ANK3: variants seen among roughly 807,000 people sequenced by gnomAD.
ANK3 encodes ankyrin 3, also known as ankyrin-3.
A neutral mutation model predicts 370.9 loss-of-function variants in ANK3; 57 were observed. That is an observed-to-expected ratio of 0.15 (90% confidence interval 0.12 to 0.19). The LOEUF (loss-of-function observed/expected upper bound fraction) is 0.19. Among genes scored for constraint, ANK3 ranks in the 10% least tolerant of loss-of-function variants. ANK3 has a pLI of 1.00. For synonymous variants in ANK3, 1,929 were observed against 1,946.3 expected (o/e 0.99, Z 0.23); for missense variants, 4,439 against 5,302.1 (o/e 0.84, Z 5.06).
At chr10:60,086,442 C>T (rs919034353) in intron 30 of ANK3, 5 of 408,278 alleles carry the variant, frequency 1.2e-5, no homozygotes, top group Non-Finnish European at 2.2e-5. Context: ...AGGAAAGATG[C>T]TATCACTAAA....
chr10:60,670,616 T>C (rs543706600), intron 1 of ANK3, among the ~76,000 whole-genome samples: 4 of 152,182 alleles, frequency 2.6e-5, no homozygotes, highest in Non-Finnish European at 5.9e-5. Context: ...AAGCACCATG[T>C]CACTCCCTGG....
chr10:60,089,459 T>TTGTGTGTGTGTG (rs61497871), intron 28 of ANK3, among the ~76,000 whole-genome samples: 7 of 141,536 alleles, frequency 4.9e-5, no homozygotes, highest in South Asian at 2.3e-4. Flanking sequence ...TCCATCCAGG[T>TTGTGTGTGTGTG]TGTGTGTGTG....
rs184195080 is a variant in ANK3 at position 60,133,513 on chromosome 10, G to T, written c.2841+758C>A. On this transcript the variant is annotated intron_variant, in intron 25 of 43. Transcript: ENST00000280772. ...AAAGCAAAATACTATCACATCTTCAGACACCCATCAAAGGCAGCTTTGAAG... is the reference window on the plus strand; with the variant it reads ...AAAGCAAAATACTATCACATCTTCATACACCCATCAAAGGCAGCTTTGAAG... Among the ~76,000 whole-genome samples the T allele has an allele frequency of 9.2e-5, 14 of 152,336 alleles. No individual in the cohort carries two copies. In the East Asian group the frequency reaches 2.7e-3, roughly 29 times the overall value.
intron 9 of ANK3, among the ~76,000 whole-genome samples, 172 bp from the exon 10 acceptor site, chr10:60,208,405 T>C (rs2096796433): frequency 6.6e-6 from 1 of 152,248 alleles, no homozygotes; most frequent in Non-Finnish European, 1.5e-5. Flanking sequence ...TTAAAACTGG[T>C]CCTCCCAACT....
chr10:60,250,152 A>G (rs1335600793), intron 7 of ANK3, among the ~76,000 whole-genome samples: 2 of 152,224 alleles, frequency 1.3e-5, no homozygotes, highest in African/African-American at 2.4e-5. Context: ...GGCAATTTAT[A>G]TAGAGAAACA....
chr10:60,214,343 G>C (rs1445059928), intron 8 of ANK3, among the ~76,000 whole-genome samples: 1 of 152,070 alleles, frequency 6.6e-6, no homozygotes, highest in East Asian at 1.9e-4. Context: ...AATTCCATGT[G>C]AAAAATTACT....
intron 2 of ANK3, among the ~76,000 whole-genome samples, chr10:60,537,347 T>A (rs539223650): frequency 7.6e-4 from 116 of 152,162 alleles, no homozygotes; most frequent in African/African-American, 2.7e-3. Context: ...TAGTTTTAGA[T>A]TTTTCATGTA....
chr10:60,294,296 G>A (rs1422748041), intron 1 of ANK3, among the ~76,000 whole-genome samples: 1 of 152,130 alleles, frequency 6.6e-6, no homozygotes, highest in African/African-American at 2.4e-5. Flanking sequence ...CAATACAGTG[G>A]ACTTCAGCTT....
At chr10:60,704,971 TC>T (rs2079594492) in intron 1 of ANK3, among the ~76,000 whole-genome samples, 1 of 152,226 alleles carries the variant, frequency 6.6e-6, no homozygotes, top group African/African-American at 2.4e-5. Context: ...AAGCTTTTAA[TC>T]TTTATTAGGA....
chr10:60,427,860 C>A (rs2063924649), intron 2 of ANK3, among the ~76,000 whole-genome samples: 1 of 152,116 alleles, frequency 6.6e-6, no homozygotes, highest in African/African-American at 2.4e-5. Context: ...GATTTTCTGA[C>A]AATGCACTGA....
At chr10:60,136,460 T>C (rs2094349118) in intron 24 of ANK3, among the ~76,000 whole-genome samples, 1 of 147,806 alleles carries the variant, frequency 6.8e-6, no homozygotes, top group African/African-American at 2.5e-5. Context: ...CATTCATTTC[T>C]TCAAATTATG....
In ANK3 at chr10:60,196,219, C is replaced by T; in HGVS notation, c.1813G>A (p.Ala605Thr). Residue 605 changes from alanine to threonine, a missense_variant, in exon 16 of 44, where the codon GCT becomes ACT. Around this residue, in one of 13 missense-constraint regions of ANK3, gnomAD observed 192 missense variants for 192.1 expected, o/e 1.00. Transcript: ENST00000280772. ...GKSGLTPLHV[A>T]AHYDNQKVAL... ...ACTTTCTGATTATCGTAATGTGCAG[C>T]TACATGCAGTGGTGTTAGCCCGCTC... The T allele has an allele frequency of 2.5e-6, 4 of 1,614,042 alleles. No individual in the cohort carries two copies. The highest frequency in any genetic ancestry group is 3.4e-6 in the Non-Finnish European group (4 of 1,179,946).
chr10:60,545,142 A>T (rs952143765), intron 2 of ANK3, among the ~76,000 whole-genome samples: 1 of 85,202 alleles, frequency 1.2e-5, no homozygotes, highest in African/African-American at 4.2e-5. Context: ...TGGGAAGAGG[A>T]TTGATAAAAG....
At chr10:60,594,743 G>GT (rs912931211) in intron 2 of ANK3, among the ~76,000 whole-genome samples, 1 of 152,014 alleles carries the variant, frequency 6.6e-6, no homozygotes, top group Non-Finnish European at 1.5e-5. Flanking sequence ...AGTAATGTTG[G>GT]TTTTTTTCAG....
chr10:60,715,509 G>A (rs2079773512), intron 1 of ANK3, among the ~76,000 whole-genome samples: 1 of 151,942 alleles, frequency 6.6e-6, no homozygotes, highest in Non-Finnish European at 1.5e-5. Flanking sequence ...ACCCTTCCTG[G>A]GTAGATAAGG....
intron 1 of ANK3, among the ~76,000 whole-genome samples, chr10:60,678,250 G>C (rs1462742508): frequency 6.6e-6 from 1 of 152,206 alleles, no homozygotes; most frequent in Non-Finnish European, 1.5e-5. Context: ...TAGGGCTTTG[G>C]TGAGAATTAA....
intron 41 of ANK3, among the ~76,000 whole-genome samples, chr10:60,057,307 C>G (rs2079398786): frequency 6.6e-6 from 1 of 152,168 alleles, no homozygotes; most frequent in African/African-American, 2.4e-5. Context: ...TTACAAGTTT[C>G]AGTATAGACT....
At chr10:60,264,066 C>T (rs2097845717) in intron 5 of ANK3, 46 bp from the exon 6 acceptor site, 1 of 1,506,848 alleles carries the variant, frequency 6.6e-7, no homozygotes, top group Non-Finnish European at 9.0e-7. Context: ...TGAATATTTT[C>T]TTTTTTATTA....
chr10:60,196,318 A>T (rs2096584691), intron 15 of ANK3, 75 bp from the exon 16 acceptor site: 2 of 1,310,962 alleles, frequency 1.5e-6, no homozygotes, highest in South Asian at 2.5e-5. Context: ...AGGAAATGAA[A>T]TTAGATTGGA....
Sources: allele counts gnomAD v4.1 joint callset (sites outside exome capture counted in the v4.1 genomes callset), GRCh38; gene constraint gnomAD v4.1.1; regional missense constraint gnomAD v4.1.1; transcripts MANE v1.5; gene names NCBI Gene and HGNC (gene_info 2026-07-23, HGNC 2026-07-21).